Variants in EPG5 observed in about 807,000 individuals in gnomAD.
EPG5 encodes ectopic P-granules 5 autophagy tethering factor, also known as ectopic P granules protein 5 homolog.
EPG5 carries 159 observed loss-of-function variants against 302.7 expected under a neutral mutation model. The ratio of observed to expected loss-of-function variants is 0.53; its 90% confidence interval spans 0.46 to 0.60. EPG5 has a LOEUF of 0.60. Among genes scored for constraint, EPG5 ranks in the 20% least tolerant of loss-of-function variants. The pLI, the probability that EPG5 is intolerant of heterozygous loss-of-function variation, is 0.00. For synonymous variants in EPG5, 1,158 were observed against 1,136.8 expected (o/e 1.02, Z -0.37); for missense variants, 2,896 against 3,092.4 (o/e 0.94, Z 1.51).
chr18:45,935,886 C>T (rs754885763), intron 10 of EPG5, among the ~76,000 whole-genome samples: 2 of 152,190 alleles, frequency 1.3e-5, no homozygotes, highest in Non-Finnish European at 2.9e-5. Flanking sequence ...CCTGGAGAGA[C>T]CCCACACCTC....
intron 4 of EPG5, among the ~76,000 whole-genome samples, chr18:45,950,732 C>A (rs1487876607): frequency 6.6e-6 from 1 of 152,158 alleles, no homozygotes. Flanking sequence ...GGCATCGTAT[C>A]AGCACTCAAA....
chr18:45,863,229 G>A (rs936742744), intron 39 of EPG5, among the ~76,000 whole-genome samples: 1 of 152,034 alleles, frequency 6.6e-6, no homozygotes, highest in African/African-American at 2.4e-5. Context: ...GATGTTTTTG[G>A]TTATTAACCT....
At chr18:45,880,813 G>A (rs748718473) in intron 31 of EPG5, among the ~76,000 whole-genome samples, 10 of 152,174 alleles carry the variant, frequency 6.6e-5, no homozygotes, top group Non-Finnish European at 1.0e-4. Flanking sequence ...CACCCAGAGC[G>A]AACATGAGAA....
Position 45,858,567 on chromosome 18 carries a change from T to C in EPG5, c.7225A>G (p.Ser2409Gly). The C allele has an allele frequency of 6.2e-7, 1 of 1,613,392 alleles. No homozygotes were observed. The highest frequency in any genetic ancestry group is 8.5e-7 in the Non-Finnish European group (1 of 1,179,322). ...GTAACAGCCTGAGGGCCAACGTACC[T>C]TGGGTACACCTGTTCCAGCCACTTG... ...LSKWLEQVYPSSVEEEAKLFL... is the reference protein window; with the variant it reads ...LSKWLEQVYPGSVEEEAKLFL... The change falls in exon 41 of 44, where the codon AGC (serine) becomes GGC (glycine). Residue 2409 changes from serine to glycine, a missense_variant and splice_region_variant. Ser to Gly is a moderately conservative substitution (Grantham distance 56, BLOSUM62 0). This residue lies in a region of EPG5 where 620 missense variants were observed against 704.2 expected (regional missense o/e 0.88). Coordinates refer to ENST00000282041, the MANE Select transcript of EPG5 (RefSeq NM_020964.3).
intron 31 of EPG5, among the ~76,000 whole-genome samples, chr18:45,882,016 T>C (rs184043577): frequency 1.3e-5 from 2 of 152,196 alleles, no homozygotes; most frequent in African/African-American, 4.8e-5. Flanking sequence ...AGTACCTGCA[T>C]GACTGTGGAC....
Position 45,934,795 on chromosome 18 carries a change from C to A in EPG5, c.2257+14G>T. On this transcript the variant is annotated intron_variant, in intron 11 of 43. Transcript: ENST00000282041. ...TAGGGAGAGCTGGACGCCGACTGCT[C>A]GGCGGGGCTGTACCTTGGAGCTGCT... 1 of 1,593,744 alleles carries A rather than the reference C, an allele frequency of 6.3e-7. No homozygotes were observed. Among genetic ancestry groups the A allele is most frequent in the South Asian group, 1.1e-5 (1 of 87,906 alleles).
intron 29 of EPG5, among the ~76,000 whole-genome samples, chr18:45,885,515 G>C (rs2049198577): frequency 6.6e-6 from 1 of 152,052 alleles, no homozygotes; most frequent in South Asian, 2.1e-4. Context: ...TTTACTGAGA[G>C]TTATATTTAA....
chr18:45,952,904 T>C (rs986937115), intron 2 of EPG5, among the ~76,000 whole-genome samples: 1 of 151,874 alleles, frequency 6.6e-6, no homozygotes, highest in Non-Finnish European at 1.5e-5. Flanking sequence ...CCAGGCGCGG[T>C]GGCTGATGCT....
the EPG5 span, among the ~76,000 whole-genome samples, chr18:45,801,043 T>A: frequency 6.6e-6 from 1 of 152,256 alleles, no homozygotes; most frequent in Non-Finnish European, 1.5e-5. Flanking sequence ...GGGGTTGTTT[T>A]TCGGTTTTTT....
Position 45,880,176 on chromosome 18 carries a change from T to TCA in EPG5, c.5564_5565dup (p.Arg1856Ter). ...CTGGGGGCGCAGCAGCCCAGGGCTC[T>TCA]CAGAGTGGCCTTCCAACACTCGGGG... On this transcript the variant is annotated frameshift_variant, in exon 32 of 44. Transcript: ENST00000282041. LOFTEE classifies it high-confidence loss of function. The TCA allele has an allele frequency of 6.2e-7, 1 of 1,610,852 alleles. No individual in the cohort carries two copies. Among genetic ancestry groups the TCA allele is most frequent in the Non-Finnish European group, 8.5e-7 (1 of 1,178,218 alleles).
chr18:45,836,350 A>G, the EPG5 span, among the ~76,000 whole-genome samples: 1 of 152,164 alleles, frequency 6.6e-6, no homozygotes, highest in African/African-American at 2.4e-5. Context: ...GCCCTTTGGA[A>G]CTACAAGAGC....
At chr18:45,865,782 A>T in intron 38 of EPG5, 23 bp from the exon 39 acceptor site, 3 of 1,579,300 alleles carry the variant, frequency 1.9e-6, no homozygotes, top group Middle Eastern at 1.7e-4. Flanking sequence ...AAAAAAAAAA[A>T]TCATTCAAAT....
intron 10 of EPG5, among the ~76,000 whole-genome samples, chr18:45,939,162 G>A (rs985883566): frequency 2.6e-5 from 4 of 152,202 alleles, no homozygotes; most frequent in Non-Finnish European, 5.9e-5. Flanking sequence ...AGGGAACCAA[G>A]ATCCATGACA....
At position 45,852,622 on chromosome 18, in the gene EPG5, A is replaced by G; in HGVS notation, c.7585T>C (p.Ser2529Pro). The change falls in exon 44 of 44, where the codon TCA becomes CCA. Residue 2529 changes from serine (S) to proline (P), a missense_variant. Coordinates refer to ENST00000282041, the MANE Select transcript of EPG5 (RefSeq NM_020964.3). Reference protein sequence around the residue: ...QALNALESMASSKQYVEYQDQ... With the variant: ...QALNALESMAPSKQYVEYQDQ... ...TGGTATTCAACATACTGCTTACTTGATGCCATGGATTCAAGAGCATTCAGA... is the reference window on the plus strand; with the variant it reads ...TGGTATTCAACATACTGCTTACTTGGTGCCATGGATTCAAGAGCATTCAGA... 1 of 1,614,132 alleles carries G rather than the reference A, an allele frequency of 6.2e-7. No individual in the cohort carries two copies. The highest frequency in any genetic ancestry group is 8.5e-7 in the Non-Finnish European group (1 of 1,180,024).
intron 36 of EPG5, 161 bp from the exon 37 acceptor site, chr18:45,867,909 A>T (rs1258286589): frequency 1.4e-6 from 1 of 698,016 alleles, no homozygotes; most frequent in African/African-American, 1.8e-5. Flanking sequence ...TAATATTTGT[A>T]ATATCTTTCC....
chr18:45,917,846 T>C (rs773886550), intron 16 of EPG5, 27 bp from the exon 17 acceptor site: 109 of 1,612,540 alleles, frequency 6.8e-5, no homozygotes, highest in Non-Finnish European at 5.1e-6. Context: ...AGGCACTGAA[T>C]ACACAAGGGA....
chr18:45,935,101 C>T, intron 10 of EPG5, 135 bp from the exon 11 acceptor site: 1 of 911,076 alleles, frequency 1.1e-6, no homozygotes, highest in Non-Finnish European at 1.6e-6. Context: ...TAGTCATAAA[C>T]ACCTCAAGGA....
chr18:45,947,053 A>T (rs529978344), intron 6 of EPG5, among the ~76,000 whole-genome samples: 1 of 152,230 alleles, frequency 6.6e-6, no homozygotes, highest in African/African-American at 2.4e-5. Flanking sequence ...TGCGGACCTT[A>T]ACTCAAACCA....
At chr18:45,954,007 T>C (rs1312859102) in intron 2 of EPG5, 3 of 705,248 alleles carry the variant, frequency 4.3e-6, no homozygotes, top group African/African-American at 1.9e-5. Context: ...GCCTACACTG[T>C]CTGTATGTGT....
Sources: allele counts gnomAD v4.1 joint callset (sites outside exome capture counted in the v4.1 genomes callset), GRCh38; gene constraint gnomAD v4.1.1; regional missense constraint gnomAD v4.1.1; transcripts MANE v1.5; gene names NCBI Gene and HGNC (gene_info 2026-07-23, HGNC 2026-07-21).